The following EML4 variants were observed in gnomAD, a reference collection of about 807,000 sequenced individuals.
The protein encoded by EML4 is echinoderm microtubule-associated protein-like 4.
In EML4, 72 loss-of-function variants were observed where a neutral mutation model predicts 129.0. The ratio of observed to expected loss-of-function variants is 0.56; its 90% confidence interval spans 0.46 to 0.68. The LOEUF is 0.68. EML4 is among the 30% of genes least tolerant of loss of function. The pLI is 0.00. For synonymous variants in EML4, 532 were observed against 405.0 expected (o/e 1.31, Z -3.77); for missense variants, 1,363 against 1,190.6 (o/e 1.14, Z -2.13).
chr2:42,281,965 C>T (rs1207257784), intron 7 of EML4, among the ~76,000 whole-genome samples: 1 of 152,182 alleles, frequency 6.6e-6, no homozygotes, highest in East Asian at 1.9e-4. Flanking sequence ...TTCTGTACAA[C>T]ATATTTTTAA....
At chr2:42,179,054 A>C (rs975683524) in intron 1 of EML4, among the ~76,000 whole-genome samples, 8 of 152,170 alleles carry the variant, frequency 5.3e-5, no homozygotes, top group Admixed American at 4.6e-4. Flanking sequence ...ACAGTAACTC[A>C]ATATGGTGGT....
intron 19 of EML4, among the ~76,000 whole-genome samples, chr2:42,317,807 T>C (rs1011876159): frequency 2.6e-5 from 4 of 152,232 alleles, no homozygotes; most frequent in Non-Finnish European, 4.4e-5. Flanking sequence ...AATAACACTT[T>C]TTGAAAATTG....
In EML4 at chr2:42,261,128, G is replaced by T. The variant is rs766241511; in HGVS notation, c.346G>T (p.Glu116Ter). ...TTATACTTTATTTTACAGTGGTACA[G>T]AAAAAAAGAAAGAAAAACCACAAGG... ...TLSSAAKSGT[E>*]KKKEKPQGQR... Residue 116 changes from glutamate to a stop codon, truncating the protein, a stop_gained, in exon 4 of 23, where the codon GAA (glutamate) becomes TAA (stop). Coordinates refer to ENST00000318522, the MANE Select transcript of EML4 (RefSeq NM_019063.5). LOFTEE classifies it high-confidence loss of function. 6.2e-7 allele frequency: 1 copy of T among 1,603,252 alleles called. No individual in the cohort carries two copies. Among genetic ancestry groups the T allele is most frequent in the Non-Finnish European group, 8.5e-7 (1 of 1,174,654 alleles).
At chr2:42,221,362 A>G (rs971810794) in intron 1 of EML4, among the ~76,000 whole-genome samples, 19 of 150,510 alleles carry the variant, frequency 1.3e-4, no homozygotes, top group East Asian at 2.0e-4. Context: ...AAATGGAACA[A>G]CAAAGCTTAG....
At chr2:42,325,595 ATTATAT>A (rs202193473) in intron 20 of EML4, 41 bp downstream of exon 20, 3,443 of 150,084 alleles carry the variant, frequency 0.023, 268 homozygotes, top group Admixed American at 0.044. Context: ...ATATGCTATG[ATTATAT>A]TTATATATAT....
intron 1 of EML4, among the ~76,000 whole-genome samples, chr2:42,176,079 A>G (rs1670585754): frequency 6.6e-6 from 1 of 151,508 alleles, no homozygotes; most frequent in Non-Finnish European, 1.5e-5. Flanking sequence ...GACTCTTTAT[A>G]ACCCTCAGGT....
intron 3 of EML4, among the ~76,000 whole-genome samples, chr2:42,259,570 T>A (rs139696560): frequency 6.6e-6 from 1 of 152,086 alleles, no homozygotes; most frequent in African/African-American, 2.4e-5. Context: ...ATCAAATTCC[T>A]TGTTGACTGT....
intron 3 of EML4, among the ~76,000 whole-genome samples, chr2:42,259,585 C>T (rs984140397): frequency 1.3e-5 from 2 of 152,056 alleles, no homozygotes; most frequent in Admixed American, 1.3e-4. Flanking sequence ...GACTGTCTTT[C>T]ATAAAATATA....
At chr2:42,268,003 C>G (rs1396741647) in intron 6 of EML4, among the ~76,000 whole-genome samples, 3 of 152,188 alleles carry the variant, frequency 2.0e-5, no homozygotes, top group Non-Finnish European at 4.4e-5. Flanking sequence ...TGGGGGACTT[C>G]AGGCACCATG....
chr2:42,295,285 A>G, intron 12 of EML4, 26 bp downstream of exon 12: 1 of 1,608,998 alleles, frequency 6.2e-7, no homozygotes, highest in Middle Eastern at 1.7e-4. Flanking sequence ...TTTTAATGTC[A>G]TTAGGTGTAT....
intron 1 of EML4, among the ~76,000 whole-genome samples, chr2:42,189,558 T>C (rs1274301026): frequency 6.6e-6 from 1 of 152,236 alleles, no homozygotes; most frequent in African/African-American, 2.4e-5. Context: ...CCAGGTTCTG[T>C]GACAGGGCGA....
At chr2:42,215,679 G>C (rs1224822374) in intron 1 of EML4, among the ~76,000 whole-genome samples, 1 of 152,120 alleles carries the variant, frequency 6.6e-6, no homozygotes, top group Non-Finnish European at 1.5e-5. Flanking sequence ...TTAAAAGTAA[G>C]TTGCGGGTAC....
At chr2:42,218,460 G>T (rs555769717) in intron 1 of EML4, among the ~76,000 whole-genome samples, 19 of 152,226 alleles carry the variant, frequency 1.2e-4, no homozygotes, top group African/African-American at 4.6e-4. Context: ...CCCCTAGTCT[G>T]TGGAAACATT....
chr2:42,266,524 C>T (rs1666073670), intron 6 of EML4, among the ~76,000 whole-genome samples: 1 of 151,966 alleles, frequency 6.6e-6, no homozygotes, highest in Non-Finnish European at 1.5e-5. Flanking sequence ...TTGTATTTAT[C>T]ATAGAGATGG....
At chr2:42,303,560 T>C (rs1668418595) in intron 16 of EML4, 114 bp downstream of exon 16, 1 of 1,157,986 alleles carries the variant, frequency 8.6e-7, no homozygotes, top group Non-Finnish European at 1.2e-6. Context: ...TGTAAACATA[T>C]GGTTTAGTAA....
chr2:42,205,630 G>A (rs912810049), intron 1 of EML4, among the ~76,000 whole-genome samples: 2 of 151,998 alleles, frequency 1.3e-5, no homozygotes, highest in Admixed American at 1.3e-4. Context: ...AAAAAGAAAG[G>A]GTTTTTGTTG....
chr2:42,305,430 T>C (rs1668539941), intron 17 of EML4, among the ~76,000 whole-genome samples: 1 of 152,082 alleles, frequency 6.6e-6, no homozygotes, highest in Non-Finnish European at 1.5e-5. Flanking sequence ...AATCAGAAAA[T>C]TTCTCTCCTC....
chr2:42,244,389 G>A (rs1675247746), intron 1 of EML4, among the ~76,000 whole-genome samples: 2 of 152,162 alleles, frequency 1.3e-5, no homozygotes, highest in Middle Eastern at 3.4e-3. Context: ...GAGCCACCGC[G>A]CCCAGCCAGC....
chr2:42,237,869 T>A (rs1674773098), intron 1 of EML4, among the ~76,000 whole-genome samples: 1 of 151,616 alleles, frequency 6.6e-6, no homozygotes, highest in Non-Finnish European at 1.5e-5. Flanking sequence ...AGAGGAGAGG[T>A]TGGCTTGCAT....
Sources: allele counts gnomAD v4.1 joint callset (sites outside exome capture counted in the v4.1 genomes callset), GRCh38; gene constraint gnomAD v4.1.1; transcripts MANE v1.5; gene names NCBI Gene and HGNC (gene_info 2026-07-23, HGNC 2026-07-21).